Variants in RAB41 observed in about 807,000 individuals in gnomAD.
The protein encoded by RAB41 is RAB41, member RAS oncogene family, also known as ras-related protein Rab-41.
A neutral mutation model predicts 19.0 loss-of-function variants in RAB41; 15 were observed. That is an observed-to-expected ratio of 0.79 (90% confidence interval 0.53 to 1.21). The LOEUF is 1.21. Ranked by LOEUF, RAB41 falls within the 50% of genes most tolerant of loss-of-function variation. The pLI is 0.00. For missense variants in RAB41, 177 were observed against 179.7 expected, an observed-to-expected ratio of 0.99 and a Z score of 0.09; for synonymous variants, 73 against 64.7, an observed-to-expected ratio of 1.13 and a Z score of -0.62.
intron 7 of RAB41, 82 bp from the exon 8 acceptor site, chrX:70,284,506 A>G: frequency 2.0e-6 from 2 of 977,480 alleles, no homozygotes; most frequent in Non-Finnish European, 2.9e-6. Context: ...TTCCTCTTCT[A>G]CATCTCCTAG....
chrX:70,284,673 G>A lies in RAB41; in HGVS notation c.*30G>A. ...TTAGGCTTTCTCTGCCTCATTTGAT[G>A]GATTTCTTACATTTGGGCTTGCCAT... On this transcript the variant is annotated 3_prime_UTR_variant, in exon 8 of 8. Coordinates refer to ENST00000374473, the MANE Select transcript of RAB41 (RefSeq NM_001363807.1). 8.6e-7 allele frequency: 1 copy of A among 1,157,120 alleles called. No individual in the cohort carries two copies. Among genetic ancestry groups the A allele is most frequent in the South Asian group, 1.8e-5 (1 of 55,558 alleles).
chrX:70,282,399 G>A, intron 1 of RAB41, 58 bp downstream of exon 1: 1 of 1,187,922 alleles, frequency 8.4e-7, no homozygotes, highest in Non-Finnish European at 1.1e-6. Flanking sequence ...GAAATGGGGT[G>A]GGGCATTCTC....
In RAB41 at chrX:70,284,741, T is replaced by G; in HGVS notation, c.*98T>G. ...CCTCGTTTTATGATACATGGCCACT[T>G]ACTCTCTTCCAATTCCTAGGCTTGG... On this transcript the variant is annotated 3_prime_UTR_variant, in exon 8 of 8. Coordinates refer to ENST00000374473, the MANE Select transcript of RAB41 (RefSeq NM_001363807.1). The G allele has an allele frequency of 1.5e-6, 1 of 653,463 alleles. No individual in the cohort carries two copies. Among genetic ancestry groups the G allele is most frequent in the South Asian group, 2.4e-5 (1 of 42,218 alleles). The allele number at this position is 653,463 out of a possible 1,213,427, so 53.9% of individuals were successfully genotyped here.
intron 3 of RAB41, among the ~76,000 whole-genome samples, 167 bp from the exon 4 acceptor site, chrX:70,283,101 C>T (rs1404426311): frequency 1.8e-5 from 2 of 112,812 alleles, no homozygotes; most frequent in African/African-American, 3.2e-5. Context: ...ATTGGTTGGA[C>T]CTGTCCTAGG....
In RAB41 at chrX:70,284,290, C is replaced by T. The variant is rs768213022; in HGVS notation, c.574C>T (p.Leu192Phe). 7 of 1,205,831 alleles carry T rather than the reference C, an allele frequency of 5.8e-6. No homozygotes were observed. The East Asian group carries it at 2.1e-4, about 36-fold the overall frequency. The change falls in exon 7 of 8, where the codon CTT becomes TTT. Residue 192 changes from leucine (L) to phenylalanine (F), a missense_variant. By Grantham distance (22) the Leu-to-Phe change is conservative. Coordinates refer to ENST00000374473, the MANE Select transcript of RAB41 (RefSeq NM_001363807.1). The stretch of plus-strand genomic sequence containing the variant: ...GCTGTTCCGGCGTGTGGCTTCTGCC[C>T]TTCTTTCCACAAGGACTTCACCTCC... ...KKLFRRVASA[L>F]LSTRTSPPPK...
At position 70,284,250 on chromosome X, in the gene RAB41, TCACA is replaced by T. The variant is rs748823170; in HGVS notation, c.550-5_550-2del. On this transcript the variant is annotated splice_polypyrimidine_tract_variant and intron_variant, in intron 6 of 7. Transcript: ENST00000374473. Reference sequence around the variant, plus strand: ...CCCTTTTTTTTTTTTTGGTCCCCATTCACACACACACACAGCTGTTCCGGCGTGT... The same window carrying T: ...CCCTTTTTTTTTTTTTGGTCCCCATTCACACACACAGCTGTTCCGGCGTGT... The T allele has an allele frequency of 1.8e-6, 2 of 1,091,712 alleles. No individual in the cohort carries two copies. Among genetic ancestry groups the T allele is most frequent in the East Asian group, 6.4e-5 (2 of 31,190 alleles). The allele number at this position is 1,091,712 out of a possible 1,213,427, so 90.0% of individuals were successfully genotyped here. A position where few individuals can be genotyped will look rare whatever the true frequency, so the allele number is the denominator to read the frequency against.
In RAB41 at chrX:70,282,470, T is replaced by A. The variant is rs1315390284; in HGVS notation, c.125-63T>A. On this transcript the variant is annotated intron_variant, in intron 1 of 7. Coordinates refer to ENST00000374473, the MANE Select transcript of RAB41 (RefSeq NM_001363807.1). ...GAGTTGGAGGAGGAGGGAGGGCTCATAGAAACTTTGAGGGGAGAAAGGGCA... is the reference window on the plus strand; with the variant it reads ...GAGTTGGAGGAGGAGGGAGGGCTCAAAGAAACTTTGAGGGGAGAAAGGGCA... The A allele has an allele frequency of 6.8e-6, 8 of 1,171,647 alleles. No homozygotes were observed. In the African/African-American group the frequency reaches 1.4e-4, roughly 21 times the overall value.
chrX:70,282,905 C>G (rs770050576), intron 3 of RAB41, 50 bp downstream of exon 3: 5 of 1,026,973 alleles, frequency 4.9e-6, no homozygotes, highest in Non-Finnish European at 6.9e-6. Context: ...CCCCTTAGGC[C>G]TATTCATCAC....
Position 70,284,759 on chromosome X carries a change from A to G in RAB41, c.*116A>G, listed in dbSNP as rs2085709414. On this transcript the variant is annotated 3_prime_UTR_variant, in exon 8 of 8. Coordinates refer to ENST00000374473, the MANE Select transcript of RAB41 (RefSeq NM_001363807.1). ...GGCCACTTACTCTCTTCCAATTCCT[A>G]GGCTTGGGGTAAAAACAGAACCCCT... The G allele has an allele frequency of 1.7e-6, 1 of 590,370 alleles. No individual in the cohort carries two copies. Among genetic ancestry groups the G allele is most frequent in the East Asian group, 3.4e-5 (1 of 28,999 alleles). The allele number at this position is 590,370 out of a possible 1,213,427, so 48.7% of individuals were successfully genotyped here.
At chrX:70,282,453 G>A in intron 1 of RAB41, 80 bp from the exon 2 acceptor site, 5 of 1,159,618 alleles carry the variant, frequency 4.3e-6, no homozygotes, top group South Asian at 1.8e-5. Context: ...TGGAGTTGGA[G>A]GAGGAGGGAG....
Position 70,282,245 on chromosome X carries a change from T to A in RAB41, c.28T>A (p.Trp10Arg). The change falls in exon 1 of 8, where the codon TGG becomes AGG. Residue 10 changes from tryptophan (W) to arginine (R), a missense_variant. Physicochemically the swap from Trp to Arg is moderately radical, Grantham distance 101 (BLOSUM62 -3). Transcript: ENST00000374473. ...GTCTGCCTTTGGTCACGACGAGGCCTGGATGGAGGCCGGAGGCTTTGGTCT... is the reference window on the plus strand; with the variant it reads ...GTCTGCCTTTGGTCACGACGAGGCCAGGATGGAGGCCGGAGGCTTTGGTCT... Reference protein sequence around the residue: MSAFGHDEAWMEAGGFGLEA... With the variant: MSAFGHDEARMEAGGFGLEA... 1 of 1,212,092 alleles carries A rather than the reference T, an allele frequency of 8.3e-7. No homozygotes were observed.
At chrX:70,283,895 G>C (rs2085703378) in intron 5 of RAB41, 55 bp from the exon 6 acceptor site, 1 of 860,346 alleles carries the variant, frequency 1.2e-6, no homozygotes, top group African/African-American at 2.0e-5. Flanking sequence ...CACCTCAGAA[G>C]AGTCTATCCA....
At chrX:70,284,092 C>G (rs755325499) in intron 6 of RAB41, 49 bp downstream of exon 6, 2 of 984,745 alleles carry the variant, frequency 2.0e-6, no homozygotes, top group East Asian at 6.2e-5. Context: ...CTGTCTGTAG[C>G]TACTACTACT....
In RAB41 at chrX:70,282,182, G is replaced by A. The variant is rs1365375408; in HGVS notation, c.-36G>A. On this transcript the variant is annotated 5_prime_UTR_variant, in exon 1 of 8. Coordinates refer to ENST00000374473, the MANE Select transcript of RAB41 (RefSeq NM_001363807.1). ...TGAAGTCCGGCGGCTCAGGCTGAGC[G>A]TTGGAAGCCATTTTGGCTGCAACCT... 3.3e-6 allele frequency: 4 copies of A among 1,208,822 alleles called. No individual in the cohort carries two copies. The highest frequency in any genetic ancestry group is 4.5e-6 in the Non-Finnish European group (4 of 894,038).
rs776356963 is a variant in RAB41 at position 70,284,299 on chromosome X, A to G, written c.583A>G (p.Thr195Ala). 4.2e-5 allele frequency: 50 copies of G among 1,197,315 alleles called. No individual in the cohort carries two copies. The South Asian group carries it at 7.8e-4, about 19-fold the overall frequency. Residue 195 changes from threonine (T) to alanine (A), a missense_variant, in exon 7 of 8, where the codon ACA (threonine) becomes GCA (alanine). Transcript: ENST00000374473. ...GCGTGTGGCTTCTGCCCTTCTTTCC[A>G]CAAGGACTTCACCTCCACCAAAAGA... is the stretch of plus-strand genomic sequence containing the variant. ...FRRVASALLS[T>A]RTSPPPKEGT...
Position 70,285,000 on chromosome X carries a change from T to C in RAB41, c.*357T>C. On this transcript the variant is annotated 3_prime_UTR_variant, in exon 8 of 8. Transcript: ENST00000374473. ...ACCCTCAATAAATGGTTCTTTAACC[T>C]AAGGCTGTTATTGCTTGTGCTTTCT... The C allele has an allele frequency of 4.7e-6, 1 of 211,076 alleles. No individual in the cohort carries two copies. The highest frequency in any genetic ancestry group is 8.7e-6 in the Non-Finnish European group (1 of 115,545). The allele number at this position is 211,076 out of a possible 1,213,427, so 17.4% of individuals were successfully genotyped here. A position where few individuals can be genotyped will look rare whatever the true frequency, so the allele number is the denominator to read the frequency against.
At position 70,284,227 on chromosome X, in the gene RAB41, CTT is replaced by C. The variant is rs371286426; in HGVS notation, c.550-27_550-26del. ...CTGAACCTGACCTTTTTTTTTTCCCCTTTTTTTTTTTTTGGTCCCCATTCACA... is the reference window on the plus strand; with the variant it reads ...CTGAACCTGACCTTTTTTTTTTCCCCTTTTTTTTTTTGGTCCCCATTCACA... On this transcript the variant is annotated intron_variant, in intron 6 of 7. Transcript: ENST00000374473. 1,999 of 904,908 alleles carry C rather than the reference CTT, an allele frequency of 2.2e-3. 58 individuals are homozygous for C. The Admixed American group carries it at 0.045, about 20-fold the overall frequency. 74.6% of individuals were successfully genotyped at this position (904,908 alleles called of 1,213,427 possible). A position where few individuals can be genotyped will look rare whatever the true frequency, so the allele number is the denominator to read the frequency against.
rs1474474855 is a variant in RAB41, at chrX:70,283,457, G to A, written c.344-56G>A. 1.0e-5 allele frequency: 11 copies of A among 1,095,397 alleles called. 1 individual carries two copies. The highest frequency in any genetic ancestry group is 5.4e-5 in the African/African-American group (3 of 55,078). 90.3% of individuals were successfully genotyped at this position (1,095,397 alleles called of 1,213,427 possible). ...TTGACAAAATTAGCAGAGAGGAAGT[G>A]TTCTCTCCAAATCTCTCCTAAATGT... On this transcript the variant is annotated intron_variant, in intron 4 of 7. Transcript: ENST00000374473.
At chrX:70,283,163 T>A in intron 3 of RAB41, 105 bp from the exon 4 acceptor site, 1 of 676,780 alleles carries the variant, frequency 1.5e-6, no homozygotes, top group East Asian at 3.4e-5. Flanking sequence ...AGGGATCCAG[T>A]CTACCTGACC....
Sources: gnomAD v4.1 joint callset for allele counts (sites outside exome capture counted in the v4.1 genomes callset) on GRCh38, gnomAD v4.1.1 for gene constraint, MANE v1.5 for transcripts, NCBI Gene and HGNC (gene_info 2026-07-23, HGNC 2026-07-21) for gene names.